Variants in RRBP1 observed in about 807,000 individuals in gnomAD.
RRBP1 encodes the protein ribosome binding protein 1, also known as ribosome-binding protein 1.
RRBP1 carries 94 observed loss-of-function variants against 165.2 expected under a neutral mutation model. That is an observed-to-expected ratio of 0.57 (90% CI 0.48 to 0.68). The LOEUF (loss-of-function observed/expected upper bound fraction) is 0.68, where lower values mean the gene tolerates loss of function less well. Ranked by LOEUF, RRBP1 falls within the 30% of genes least tolerant of loss-of-function variation. The pLI is 0.00. For synonymous variants in RRBP1, 680 were observed against 714.5 expected (o/e 0.95, Z 0.77); for missense variants, 1,676 against 1,763.0 (o/e 0.95, Z 0.88).
At chr20:17,677,682 A>G (rs1051158181) in intron 2 of RRBP1, among the ~76,000 whole-genome samples, 10 of 152,188 alleles carry the variant, frequency 6.6e-5, no homozygotes, top group African/African-American at 2.4e-4. Flanking sequence ...TCTACTAAAA[A>G]TACAAAATTA....
At chr20:17,672,489 G>C (rs2036996721) in intron 2 of RRBP1, among the ~76,000 whole-genome samples, 1 of 152,124 alleles carries the variant, frequency 6.6e-6, no homozygotes, top group African/African-American at 2.4e-5. Context: ...ATTATCAACG[G>C]TAACTCAAAA....
Position 17,659,043 on chromosome 20 carries a change from C to T in RRBP1, c.1465G>A (p.Gly489Ser). Residue 489 changes from glycine (G) to serine (S), a missense_variant, in exon 3 of 25, where the codon GGC (glycine) becomes AGC (serine). By Grantham distance (56) the Gly-to-Ser change is moderately conservative. Around this residue, in one of 5 missense-constraint regions of RRBP1, gnomAD observed 18 missense variants for 38.8 expected, o/e 0.46. Coordinates refer to ENST00000377813, the MANE Select transcript of RRBP1 (RefSeq NM_001365613.2). ...GKKAEGAQNQGKKAEGAQNQG... is the reference protein window; with the variant it reads ...GKKAEGAQNQSKKAEGAQNQG... ...TTCTGAGCCCCCTCGGCCTTCTTGC[C>T]CTGGTTCTGGGCCCCCTCAGCCTTC... The T allele has an allele frequency of 6.4e-7, 1 of 1,561,418 alleles. No individual in the cohort carries two copies. Among genetic ancestry groups the T allele is most frequent in the Non-Finnish European group, 8.7e-7 (1 of 1,152,412 alleles).
Position 17,621,732 on chromosome 20 carries a change from G to A in RRBP1, c.3282C>T (p.Pro1094=). The part of the protein sequence containing the change: ...EWLQDLKEKG[P]TLLKHPPAPA... Reference sequence around the variant, plus strand: ...GAGCTGGCGGGTGCTTCAGCAGCGTGGGGCCTTTCTCTTTGAGATCCTGCA... The same window carrying A: ...GAGCTGGCGGGTGCTTCAGCAGCGTAGGGCCTTTCTCTTTGAGATCCTGCA... Residue 1094 remains proline (P), a synonymous_variant, in exon 15 of 25, where the codon CCC becomes CCT. Transcript: ENST00000377813. The A allele has an allele frequency of 1.2e-6, 2 of 1,613,822 alleles. No homozygotes were observed. The highest frequency in any genetic ancestry group is 8.5e-7 in the Non-Finnish European group (1 of 1,180,018).
Position 17,621,685 on chromosome 20 carries a change from C to A in RRBP1, c.3324+5G>T. ...AGAGGAGCCTTGCCAGGCAGCCACA[C>A]TTACCGAGGAGGGCTCCGCGGGAGC... On this transcript the variant is annotated splice_donor_5th_base_variant and intron_variant, in intron 15 of 24. Coordinates refer to ENST00000377813, the MANE Select transcript of RRBP1 (RefSeq NM_001365613.2). The A allele has an allele frequency of 6.2e-7, 1 of 1,613,328 alleles. No homozygotes were observed. Among genetic ancestry groups the A allele is most frequent in the Non-Finnish European group, 8.5e-7 (1 of 1,179,762 alleles).
chr20:17,677,827 G>A (rs985083226), intron 2 of RRBP1, among the ~76,000 whole-genome samples: 17 of 151,262 alleles, frequency 1.1e-4, no homozygotes, highest in Non-Finnish European at 1.5e-4. Context: ...CAACAAGAGC[G>A]AAACTTTGTC....
rs764680758 is a variant in RRBP1, at chr20:17,618,635, G to C, written c.3720C>G (p.Ala1240=). Residue 1240 remains alanine, a synonymous_variant, in exon 20 of 25, where the codon GCC becomes GCG. Coordinates refer to ENST00000377813, the MANE Select transcript of RRBP1 (RefSeq NM_001365613.2). The part of the protein sequence containing the change: ...LLESQSQLDA[A]KSEAQKQSDE... ...CGCTCTGTTTCTGGGCTTCGCTCTTGGCGGCATCGAGCTGAGATTGAGATT... is the reference window on the plus strand; with the variant it reads ...CGCTCTGTTTCTGGGCTTCGCTCTTCGCGGCATCGAGCTGAGATTGAGATT... The C allele has an allele frequency of 3.7e-6, 6 of 1,613,926 alleles. No individual in the cohort carries two copies. In the East Asian group the frequency reaches 1.1e-4, roughly 30 times the overall value.
intron 2 of RRBP1, among the ~76,000 whole-genome samples, chr20:17,667,873 T>C (rs2036900327): frequency 6.6e-6 from 1 of 152,250 alleles, no homozygotes; most frequent in Non-Finnish European, 1.5e-5. Flanking sequence ...TGAGAAAATT[T>C]ACTTCACCTT....
At chr20:17,680,287 C>A (rs1424559764) in intron 1 of RRBP1, among the ~76,000 whole-genome samples, 1 of 152,214 alleles carries the variant, frequency 6.6e-6, no homozygotes. Context: ...GGGTAACATT[C>A]GCAGTTGTTC....
rs1031957182 is a variant in RRBP1 at position 17,625,554 on chromosome 20, G to A, written c.3012C>T (p.Ile1004=). ...SQVSGLEKEA[I]ELREAVEQQK... is the part of the protein sequence containing the mutation. ...GCTGCTCGACGGCCTCCCTGAGCTC[G>A]ATGGCCTCCTTCTCCAGACCCGACA... Residue 1004 remains isoleucine (I), a synonymous_variant, in exon 12 of 25, where the codon ATC becomes ATT. Coordinates refer to ENST00000377813, the MANE Select transcript of RRBP1 (RefSeq NM_001365613.2). 12 of 1,613,760 alleles carry A rather than the reference G, an allele frequency of 7.4e-6. No homozygotes were observed. Among genetic ancestry groups the A allele is most frequent in the Middle Eastern group, 1.6e-4 (1 of 6,082 alleles).
chr20:17,616,514 C>T (rs1274301464), intron 21 of RRBP1, among the ~76,000 whole-genome samples: 2 of 152,164 alleles, frequency 1.3e-5, no homozygotes, highest in Admixed American at 6.5e-5. Flanking sequence ...AGTCCCACCT[C>T]CCCCCAACTC....
At chr20:17,674,397 A>T (rs1409829425) in intron 2 of RRBP1, among the ~76,000 whole-genome samples, 2 of 151,992 alleles carry the variant, frequency 1.3e-5, no homozygotes, top group African/African-American at 4.8e-5. Flanking sequence ...GCAGGAGAGG[A>T]ACCTTGACCC....
rs2036046200 is a variant in RRBP1, at chr20:17,627,362, G to A, written c.2949C>T (p.Asp983=). ...QDVQASQAEA[D]QQQTRLKELE... ...CCCCAGCTTACCGAGTCTGCTGCTG[G>A]TCAGCCTCCGCCTGGCTGGCCTGGA... is the stretch of plus-strand genomic sequence containing the variant. Residue 983 remains aspartate, a synonymous_variant, in exon 11 of 25, where the codon GAC becomes GAT. Coordinates refer to ENST00000377813, the MANE Select transcript of RRBP1 (RefSeq NM_001365613.2). 2 of 1,613,752 alleles carry A rather than the reference G, an allele frequency of 1.2e-6. No homozygotes were observed. The highest frequency in any genetic ancestry group is 1.7e-6 in the Non-Finnish European group (2 of 1,179,964).
intron 13 of RRBP1, among the ~76,000 whole-genome samples, chr20:17,623,950 C>T (rs2035962606): frequency 6.6e-6 from 1 of 151,964 alleles, no homozygotes; most frequent in Non-Finnish European, 1.5e-5. Context: ...AAAAAGTCTC[C>T]TCACAGAGCC....
At chr20:17,667,311 C>T (rs1283150407) in intron 2 of RRBP1, among the ~76,000 whole-genome samples, 2 of 152,300 alleles carry the variant, frequency 1.3e-5, no homozygotes, top group Admixed American at 6.5e-5. Context: ...AATTTAACAA[C>T]ATCAATTTCA....
intron 3 of RRBP1, among the ~76,000 whole-genome samples, chr20:17,648,780 A>C (rs183631782): frequency 2.0e-5 from 3 of 152,212 alleles, no homozygotes; most frequent in Admixed American, 6.5e-5. Flanking sequence ...GTTAAAAAAA[A>C]CCCACATCAC....
At chr20:17,636,150 C>A (rs1176274331) in intron 6 of RRBP1, among the ~76,000 whole-genome samples, 1 of 152,230 alleles carries the variant, frequency 6.6e-6, no homozygotes, top group African/African-American at 2.4e-5. Context: ...GGGCAGCCGC[C>A]CAGTGCTGGC....
At chr20:17,654,675 C>A (rs2036617151) in intron 3 of RRBP1, among the ~76,000 whole-genome samples, 1 of 152,210 alleles carries the variant, frequency 6.6e-6, no homozygotes, top group Non-Finnish European at 1.5e-5. Flanking sequence ...CAAGTCCACA[C>A]TGCCCTATCA....
chr20:17,674,608 T>C (rs771494081), intron 2 of RRBP1, among the ~76,000 whole-genome samples: 9 of 150,822 alleles, frequency 6.0e-5, no homozygotes, highest in Non-Finnish European at 1.3e-4. Flanking sequence ...CTAAAAAAAA[T>C]ACAAAAAAAT....
chr20:17,639,984 G>A (rs1003942102), intron 5 of RRBP1, among the ~76,000 whole-genome samples: 2 of 151,794 alleles, frequency 1.3e-5, no homozygotes, highest in Non-Finnish European at 2.9e-5. Context: ...AAGAGAAACG[G>A]CCAAAGGCAT....
Sources: gnomAD v4.1 joint callset for allele counts (sites outside exome capture counted in the v4.1 genomes callset) on GRCh38, gnomAD v4.1.1 for gene constraint, gnomAD v4.1.1 regional missense constraint, MANE v1.5 for transcripts, NCBI Gene and HGNC (gene_info 2026-07-23, HGNC 2026-07-21) for gene names.